Variants in WWOX observed in about 807,000 individuals in gnomAD.
The protein encoded by WWOX is WW domain-containing oxidoreductase.
In WWOX, 69 loss-of-function variants were observed where a neutral mutation model predicts 46.2. The observed-to-expected ratio is 1.49, with a 90% confidence interval of 1.23 to 1.82. The LOEUF is 1.82. Ranked by LOEUF, WWOX falls within the 40% of genes most tolerant of loss-of-function variation. WWOX has a pLI of 0.00. For missense variants in WWOX, 919 were observed against 542.6 expected (o/e 1.69, Z -6.89); for synonymous variants, 359 against 202.6 (o/e 1.77, Z -6.56).
At chr16:78,783,872 A>G (rs1336962929) in intron 8 of WWOX, among the ~76,000 whole-genome samples, 1 of 100,174 alleles carries the variant, frequency 1.0e-5, no homozygotes, top group African/African-American at 4.0e-5. Flanking sequence ...GATGATGGTG[A>G]TGACGATGAT....
chr16:78,672,968 G>C (rs1362680208), intron 8 of WWOX, among the ~76,000 whole-genome samples: 2 of 152,258 alleles, frequency 1.3e-5, no homozygotes, highest in African/African-American at 4.8e-5. Flanking sequence ...GGGCAAGGCT[G>C]AGAGCCCCGG....
Position 78,371,591 on chromosome 16 carries a change from G to A in WWOX, c.517-15269G>A, listed in dbSNP as rs931908015. ...CTAAGATTGTTAAATCCATCTTTTT[G>A]TTTATGGCTGTGTTATTTGGCACAT... On this transcript the variant is annotated intron_variant, in intron 5 of 8. Transcript: ENST00000566780. Among the ~76,000 whole-genome samples the A allele has an allele frequency of 2.6e-5, 4 of 151,768 alleles. No homozygotes were observed. In the South Asian group the frequency reaches 8.3e-4, roughly 32 times the overall value.
intron 5 of WWOX, among the ~76,000 whole-genome samples, chr16:78,256,041 T>C (rs1455025962): frequency 2.0e-5 from 3 of 148,018 alleles, no homozygotes; most frequent in East Asian, 2.0e-4. Flanking sequence ...TCCCAGCTGC[T>C]CAGGAGGCTG....
At chr16:78,769,584 T>C (rs1014826252) in intron 8 of WWOX, among the ~76,000 whole-genome samples, 2 of 116,270 alleles carry the variant, frequency 1.7e-5, no homozygotes, top group Non-Finnish European at 3.6e-5. Context: ...TTTATTTATT[T>C]TTACCATGTC....
intron 5 of WWOX, among the ~76,000 whole-genome samples, chr16:78,233,671 C>T (rs62034045): frequency 8.6e-5 from 13 of 151,836 alleles, no homozygotes; most frequent in South Asian, 2.1e-4. Context: ...GGACTACAGG[C>T]GCCTGCCACT....
intron 4 of WWOX, among the ~76,000 whole-genome samples, chr16:78,162,632 G>T (rs145623124): frequency 6.6e-6 from 1 of 151,886 alleles, no homozygotes; most frequent in African/African-American, 2.4e-5. Flanking sequence ...TTTTTTGGCC[G>T]TGTATGCGTC....
intron 8 of WWOX, among the ~76,000 whole-genome samples, chr16:78,497,059 G>A (rs2084934858): frequency 6.6e-6 from 1 of 152,252 alleles, no homozygotes; most frequent in African/African-American, 2.4e-5. Flanking sequence ...ATTTGGGGAT[G>A]TTGGATGCTA....
intron 8 of WWOX, among the ~76,000 whole-genome samples, chr16:78,961,606 C>G (rs149574623): frequency 3.2e-4 from 48 of 151,958 alleles, no homozygotes; most frequent in African/African-American, 1.1e-3. Flanking sequence ...AAATGAAAGG[C>G]TTGTTCTTCT....
At chr16:78,980,183 C>T (rs541192449) in intron 8 of WWOX, among the ~76,000 whole-genome samples, 1 of 152,182 alleles carries the variant, frequency 6.6e-6, no homozygotes, top group African/African-American at 2.4e-5. Flanking sequence ...CACCCCAAAT[C>T]CTTGCTGAAT....
At chr16:78,606,642 A>C (rs1432972272) in intron 8 of WWOX, among the ~76,000 whole-genome samples, 1 of 151,926 alleles carries the variant, frequency 6.6e-6, no homozygotes, top group Non-Finnish European at 1.5e-5. Flanking sequence ...CACGAAGTTG[A>C]ATATGTGAAC....
At chr16:78,666,809 A>G (rs960377294) in intron 8 of WWOX, among the ~76,000 whole-genome samples, 1 of 152,188 alleles carries the variant, frequency 6.6e-6, no homozygotes, top group African/African-American at 2.4e-5. Flanking sequence ...TAGAAAGAAG[A>G]GATAAAAGTT....
chr16:78,958,184 C>T (rs1004223930), intron 8 of WWOX, among the ~76,000 whole-genome samples: 1 of 152,186 alleles, frequency 6.6e-6, no homozygotes, highest in African/African-American at 2.4e-5. Flanking sequence ...CCTTTTAAGA[C>T]CGCCAGACTA....
chr16:79,083,405 A>G (rs1001399528), intron 8 of WWOX, among the ~76,000 whole-genome samples: 7 of 152,106 alleles, frequency 4.6e-5, no homozygotes, highest in African/African-American at 1.7e-4. Context: ...ACCACAGTCA[A>G]CAGAGCTTCC....
At chr16:78,617,485 T>C (rs931332184) in intron 8 of WWOX, among the ~76,000 whole-genome samples, 2 of 151,732 alleles carry the variant, frequency 1.3e-5, no homozygotes, top group East Asian at 1.9e-4. Context: ...TCATTCACAA[T>C]GCTCAGTGCA....
At chr16:78,885,023 T>G (rs1468906170) in intron 8 of WWOX, among the ~76,000 whole-genome samples, 1 of 152,180 alleles carries the variant, frequency 6.6e-6, no homozygotes, top group Non-Finnish European at 1.5e-5. Context: ...AGTTGTTTCT[T>G]CCACTGTGCA....
intron 8 of WWOX, among the ~76,000 whole-genome samples, chr16:79,125,669 C>T (rs895375459): frequency 6.6e-6 from 1 of 152,142 alleles, no homozygotes; most frequent in African/African-American, 2.4e-5. Flanking sequence ...AACCCCAACC[C>T]CCAGGCCATG....
At chr16:78,627,568 T>C (rs1267788701) in intron 8 of WWOX, among the ~76,000 whole-genome samples, 1 of 151,780 alleles carries the variant, frequency 6.6e-6, no homozygotes, top group African/African-American at 2.4e-5. Context: ...CTTTGTAAAA[T>C]CACAGAGAAA....
chr16:79,019,406 C>T (rs566738871), intron 8 of WWOX, among the ~76,000 whole-genome samples: 2 of 151,946 alleles, frequency 1.3e-5, no homozygotes, highest in African/African-American at 4.8e-5. Context: ...GATTGGGCTG[C>T]GTACTGTAGG....
intron 8 of WWOX, among the ~76,000 whole-genome samples, chr16:78,655,872 G>C (rs981121015): frequency 1.4e-4 from 22 of 152,178 alleles, no homozygotes; most frequent in African/African-American, 5.3e-4. Flanking sequence ...TGGGCTGTCT[G>C]TGTGTGTTCC....
Sources: allele counts gnomAD v4.1 joint callset (sites outside exome capture counted in the v4.1 genomes callset), GRCh38; gene constraint gnomAD v4.1.1; transcripts MANE v1.5; gene names NCBI Gene and HGNC (gene_info 2026-07-23, HGNC 2026-07-21).